The following HIGD1C variants were observed in gnomAD, a reference collection of about 807,000 sequenced individuals.
HIGD1C encodes the protein HIG1 domain family member 1C.
A neutral mutation model predicts 13.1 loss-of-function variants in HIGD1C; 11 were observed. The ratio of observed to expected loss-of-function variants is 0.84; its 90% confidence interval spans 0.53 to 1.39. The LOEUF (loss-of-function observed/expected upper bound fraction) is 1.39, where lower values mean the gene tolerates loss of function less well. Ranked by LOEUF, HIGD1C falls within the 40% of genes most tolerant of loss-of-function variation. HIGD1C has a pLI of 0.00. For missense variants in HIGD1C, 110 were observed against 112.0 expected, an observed-to-expected ratio of 0.98 and a Z score of 0.08; for synonymous variants, 36 against 37.7, an observed-to-expected ratio of 0.95 and a Z score of 0.17.
intron 2 of HIGD1C, among the ~76,000 whole-genome samples, chr12:50,968,443 G>A (rs1378539519): frequency 1.3e-5 from 2 of 152,056 alleles, no homozygotes; most frequent in Non-Finnish European, 2.9e-5. Flanking sequence ...CTGGCGTGCA[G>A]TGGCGTGATC....
intron 1 of HIGD1C, among the ~76,000 whole-genome samples, chr12:50,955,444 T>C (rs917504869): frequency 6.6e-6 from 1 of 152,234 alleles, no homozygotes. Context: ...TTTCTCTTTC[T>C]TCTCCATGGA....
chr12:50,957,250 G>A (rs12820942), intron 1 of HIGD1C, among the ~76,000 whole-genome samples: 2,132 of 148,922 alleles, frequency 0.014, 34 homozygotes, highest in Non-Finnish European at 0.025. Context: ...TCCCTCTGTC[G>A]CCCAGGCTGG....
At chr12:50,971,461 C>T (rs561242632), downstream of HIGD1C, among the ~76,000 whole-genome samples, 43 of 152,278 alleles carry the variant, frequency 2.8e-4, no homozygotes, top group African/African-American at 9.6e-4. Flanking sequence ...AGGTAAACTG[C>T]AAACACATTT....
the HIGD1C span, among the ~76,000 whole-genome samples, chr12:50,940,596 T>G: frequency 6.6e-6 from 1 of 151,830 alleles, no homozygotes; most frequent in African/African-American, 2.4e-5. Context: ...TAGTGGCACA[T>G]GTCCATAGTC....
rs1488818793 is a variant in HIGD1C at position 50,953,985 on chromosome 12, T to C, written c.-14T>C. The C allele has an allele frequency of 3.3e-6, 5 of 1,523,880 alleles. No homozygotes were observed. The African/African-American group carries it at 4.1e-5, about 13-fold the overall frequency. The allele number at this position is 1,523,880 out of a possible 1,614,324, so 94.4% of individuals were successfully genotyped here. On this transcript the variant is annotated 5_prime_UTR_variant, in exon 1 of 3. Transcript: ENST00000398455. ...GGCAACCACATTTATATCCTATTGT[T>C]ACTAGAGAAAAAAATGTCTTCAGAT...
intron 1 of HIGD1C, among the ~76,000 whole-genome samples, chr12:50,955,062 C>G (rs948777676): frequency 3.3e-5 from 5 of 152,146 alleles, no homozygotes; most frequent in African/African-American, 1.2e-4. Context: ...GAGGCCGAGG[C>G]AGGTGGATCA....
chr12:50,948,683 C>T, the HIGD1C span, among the ~76,000 whole-genome samples: 1 of 149,846 alleles, frequency 6.7e-6, no homozygotes, highest in Admixed American at 6.7e-5. Flanking sequence ...TCCTGACCAA[C>T]GTGGTGAAAC....
upstream of HIGD1C, among the ~76,000 whole-genome samples, chr12:50,951,698 T>C (rs920282545): frequency 2.6e-5 from 4 of 151,934 alleles, no homozygotes; most frequent in African/African-American, 9.7e-5. Flanking sequence ...GGTGGGTGGA[T>C]CACCTGAGAT....
chr12:50,961,042 A>G (rs1277811212), exon 2 of HIGD1C: 1 of 1,613,604 alleles, frequency 6.2e-7, no homozygotes, highest in Admixed American at 1.7e-5. Flanking sequence ...GAAAATGTCA[A>G]TTCATCTTAT....
At chr12:50,948,967 A>C (rs1197651728), upstream of HIGD1C, 2 of 119,800 alleles carry the variant, frequency 1.7e-5, no homozygotes, top group African/African-American at 6.7e-5. Flanking sequence ...ACACATATGC[A>C]CGAGGTTATT....
At chr12:50,969,360 A>G (rs1282340332) in intron 2 of HIGD1C, among the ~76,000 whole-genome samples, 1 of 152,158 alleles carries the variant, frequency 6.6e-6, no homozygotes, top group East Asian at 1.9e-4. Context: ...ATTTACTTAG[A>G]TAAATCTGGA....
At chr12:50,954,044 T>C (rs1188470541) in exon 1 of HIGD1C, 1 of 1,613,502 alleles carries the variant, frequency 6.2e-7, no homozygotes, top group Non-Finnish European at 8.5e-7. Flanking sequence ...TGAAGGCCAA[T>C]TATCCCGACT....
chr12:50,957,389 G>A (rs1939138500), intron 1 of HIGD1C, among the ~76,000 whole-genome samples: 1 of 151,402 alleles, frequency 6.6e-6, no homozygotes, highest in Non-Finnish European at 1.5e-5. Flanking sequence ...AGTAGAGACA[G>A]GGTTTTACCA....
the HIGD1C span, among the ~76,000 whole-genome samples, chr12:50,943,957 TAAAATAC>T: frequency 6.6e-6 from 1 of 152,130 alleles, no homozygotes; most frequent in Non-Finnish European, 1.5e-5. Context: ...CAGGAGAAAG[TAAAATAC>T]CCTAGTTAGA....
At chr12:50,952,521 G>A (rs568480397), upstream of HIGD1C, among the ~76,000 whole-genome samples, 37 of 152,284 alleles carry the variant, frequency 2.4e-4, no homozygotes, top group African/African-American at 8.7e-4. Flanking sequence ...TACAAGGTCA[G>A]AACAGAAGCA....
chr12:50,969,713 A>T (rs1001925579), intron 2 of HIGD1C, among the ~76,000 whole-genome samples: 11 of 151,498 alleles, frequency 7.3e-5, no homozygotes, highest in Non-Finnish European at 1.6e-4. Context: ...AAAAAAAAAA[A>T]AACAAAAACA....
chr12:50,952,458 C>T (rs546716559), upstream of HIGD1C, among the ~76,000 whole-genome samples: 18 of 152,230 alleles, frequency 1.2e-4, no homozygotes, highest in Middle Eastern at 3.4e-3. Context: ...TGGCTGCAGT[C>T]GGAGGGAGGC....
At chr12:50,961,967 C>T (rs1284074318) in intron 2 of HIGD1C, among the ~76,000 whole-genome samples, 1 of 152,204 alleles carries the variant, frequency 6.6e-6, no homozygotes, top group Non-Finnish European at 1.5e-5. Context: ...GATTGAATGC[C>T]TGCTATGTAC....
chr12:50,933,615 C>T, the HIGD1C span, among the ~76,000 whole-genome samples: 1 of 152,252 alleles, frequency 6.6e-6, no homozygotes, highest in Non-Finnish European at 1.5e-5. Context: ...CTTCATGCTT[C>T]CAGGGCACAA....
Sources: allele counts gnomAD v4.1 joint callset (sites outside exome capture counted in the v4.1 genomes callset), GRCh38; gene constraint gnomAD v4.1.1; transcripts MANE v1.5; gene names NCBI Gene and HGNC (gene_info 2026-07-23, HGNC 2026-07-21).